Variants in TRIO observed in about 807,000 individuals in gnomAD.
TRIO encodes the protein trio Rho guanine nucleotide exchange factor.
In TRIO, 58 loss-of-function variants were observed where a neutral mutation model predicts 351.9. The observed-to-expected ratio is 0.16, with a 90% CI of 0.13 to 0.21. The LOEUF is 0.21. TRIO is among the 10% of genes least tolerant of loss of function. The pLI is 1.00. For missense variants in TRIO, 3,201 were observed against 4,027.8 expected (o/e 0.79, Z 5.56); for synonymous variants, 1,758 against 1,595.7 (o/e 1.10, Z -2.42).
At chr5:14,356,507 A>G (rs909041843) in intron 11 of TRIO, among the ~76,000 whole-genome samples, 8 of 152,108 alleles carry the variant, frequency 5.3e-5, no homozygotes, top group African/African-American at 1.9e-4. Flanking sequence ...AGGAATTGAA[A>G]CTCTCATACG....
chr5:14,476,855 C>T (rs1755114243), intron 40 of TRIO, 39 bp from the exon 41 acceptor site: 1 of 1,529,834 alleles, frequency 6.5e-7, no homozygotes, highest in Non-Finnish European at 9.0e-7. Context: ...TAGAAGGCCA[C>T]ACTGGAAATA....
chr5:14,284,783 CAAAT>C (rs1373757738), intron 3 of TRIO, among the ~76,000 whole-genome samples: 1 of 152,178 alleles, frequency 6.6e-6, no homozygotes, highest in East Asian at 1.9e-4. Flanking sequence ...ACTAGTAAAA[CAAAT>C]AAAACATATT....
chr5:14,455,649 T>A (rs950248927), intron 34 of TRIO, among the ~76,000 whole-genome samples: 2 of 152,144 alleles, frequency 1.3e-5, no homozygotes, highest in African/African-American at 4.8e-5. Flanking sequence ...GTATTTACAA[T>A]CCTTTAACTA....
chr5:14,498,832 C>T (rs560851923), intron 53 of TRIO, 192 bp downstream of exon 53: 18 of 759,958 alleles, frequency 2.4e-5, no homozygotes, highest in East Asian at 6.0e-5. Flanking sequence ...AGTGACCTCT[C>T]GGCACCTTAT....
chr5:14,229,250 A>G (rs1390150031), intron 1 of TRIO, among the ~76,000 whole-genome samples: 1 of 152,186 alleles, frequency 6.6e-6, no homozygotes, highest in Non-Finnish European at 1.5e-5. Context: ...AGCCGGATAA[A>G]TACTTTAGTC....
chr5:14,502,233 C>T (rs1160670521), intron 53 of TRIO, among the ~76,000 whole-genome samples: 2 of 152,036 alleles, frequency 1.3e-5, no homozygotes, highest in African/African-American at 4.8e-5. Context: ...AAAGAGGCCA[C>T]ATATGCAAGT....
chr5:14,236,659 T>G (rs1411495259), intron 1 of TRIO, among the ~76,000 whole-genome samples: 1 of 152,236 alleles, frequency 6.6e-6, no homozygotes, highest in Non-Finnish European at 1.5e-5. Context: ...GTGGAATGTC[T>G]TAGTATAATA....
At chr5:14,424,202 C>T (rs1037890414) in intron 34 of TRIO, among the ~76,000 whole-genome samples, 2 of 152,120 alleles carry the variant, frequency 1.3e-5, no homozygotes, top group African/African-American at 4.8e-5. Flanking sequence ...CCAGCTCTGA[C>T]ATTCTGAGTT....
intron 54 of TRIO, among the ~76,000 whole-genome samples, chr5:14,503,519 AG>A (rs1757438922): frequency 1.3e-5 from 2 of 152,216 alleles, no homozygotes; most frequent in African/African-American, 4.8e-5. Flanking sequence ...TGCGTGTCAG[AG>A]GCGTTGTCTG....
At chr5:14,222,235 A>G (rs1385918098) in intron 1 of TRIO, among the ~76,000 whole-genome samples, 1 of 151,994 alleles carries the variant, frequency 6.6e-6, no homozygotes, top group Admixed American at 6.5e-5. Context: ...ACTACAGTAT[A>G]GGATAAATGT....
chr5:14,390,854 T>C (rs1325621582), intron 26 of TRIO, 47 bp from the exon 27 acceptor site: 1 of 1,514,888 alleles, frequency 6.6e-7, no homozygotes, highest in South Asian at 1.2e-5. Flanking sequence ...TTATCATGCG[T>C]TGACTTGTTA....
chr5:14,301,000 T>C (rs1385398946), intron 7 of TRIO, among the ~76,000 whole-genome samples: 1 of 152,068 alleles, frequency 6.6e-6, no homozygotes, highest in East Asian at 1.9e-4. Flanking sequence ...GAGAGATGGA[T>C]GGGAGTGCAG....
At chr5:14,282,394 A>G (rs147956176) in intron 3 of TRIO, among the ~76,000 whole-genome samples, 127 of 152,350 alleles carry the variant, frequency 8.3e-4, no homozygotes, top group African/African-American at 3.0e-3. Context: ...AATAAGAACT[A>G]AAGTTGAATT....
At chr5:14,217,081 C>T (rs1406849264) in intron 1 of TRIO, among the ~76,000 whole-genome samples, 4 of 152,192 alleles carry the variant, frequency 2.6e-5, no homozygotes, top group Non-Finnish European at 5.9e-5. Context: ...TCCTCCAGCA[C>T]GATGCCCCAT....
chr5:14,322,217 C>T (rs1333159247), intron 9 of TRIO, among the ~76,000 whole-genome samples: 2 of 151,988 alleles, frequency 1.3e-5, no homozygotes, highest in South Asian at 2.1e-4. Context: ...TAAGGAATTC[C>T]CCAATTTTGC....
chr5:14,418,248 G>T (rs1005114966), intron 33 of TRIO, among the ~76,000 whole-genome samples: 1 of 152,100 alleles, frequency 6.6e-6, no homozygotes, highest in Non-Finnish European at 1.5e-5. Flanking sequence ...CTGGCCACTG[G>T]GGGGGACCTT....
intron 1 of TRIO, among the ~76,000 whole-genome samples, chr5:14,146,573 T>A (rs928656083): frequency 2.0e-5 from 3 of 152,220 alleles, no homozygotes; most frequent in African/African-American, 7.2e-5. Flanking sequence ...TTTAAACAAT[T>A]AAGGGAAGTT....
At chr5:14,403,624 GGTT>G (rs1380341046) in intron 31 of TRIO, among the ~76,000 whole-genome samples, 2 of 136,486 alleles carry the variant, frequency 1.5e-5, no homozygotes, top group African/African-American at 2.9e-5. Flanking sequence ...TGAGGGTGTA[GGTT>G]GTGGTGGTGA....
chr5:14,360,006 T>C (rs1743999529), intron 13 of TRIO, among the ~76,000 whole-genome samples: 1 of 152,008 alleles, frequency 6.6e-6, no homozygotes, highest in African/African-American at 2.4e-5. Flanking sequence ...TTTCTCTCTC[T>C]CTCCACCTTC....
Sources: allele counts gnomAD v4.1 joint callset (sites outside exome capture counted in the v4.1 genomes callset), GRCh38; gene constraint gnomAD v4.1.1; transcripts MANE v1.5; gene names NCBI Gene and HGNC (gene_info 2026-07-23, HGNC 2026-07-21).